AGMO: variants seen among roughly 807,000 people sequenced by gnomAD.
AGMO encodes alkylglycerol monooxygenase.
In AGMO, 75 loss-of-function variants were observed where a neutral mutation model predicts 60.2. The observed-to-expected ratio is 1.25, with a 90% CI of 1.03 to 1.51. AGMO has a LOEUF of 1.51. Ranked by LOEUF, AGMO falls within the 40% of genes most tolerant of loss-of-function variation. The probability of loss-of-function intolerance (pLI) is 0.00; values close to 1 mark genes in which losing one functional copy is unlikely to be tolerated. For missense variants in AGMO, 763 were observed against 525.5 expected (o/e 1.45, Z -4.42); for synonymous variants, 261 against 177.1 (o/e 1.47, Z -3.76).
chr7:15,399,343 G>C (rs978963164), intron 5 of AGMO, among the ~76,000 whole-genome samples: 1 of 152,094 alleles, frequency 6.6e-6, no homozygotes. Context: ...AGTTCATAAA[G>C]CTTTAAGAGC....
the AGMO span, among the ~76,000 whole-genome samples, chr7:15,170,258 G>C: frequency 6.6e-6 from 1 of 152,162 alleles, no homozygotes; most frequent in African/African-American, 2.4e-5. Flanking sequence ...CTTACCTCTG[G>C]ATCTCTTGAT....
chr7:15,143,310 T>C, the AGMO span, among the ~76,000 whole-genome samples: 59 of 152,310 alleles, frequency 3.9e-4, no homozygotes, highest in African/African-American at 1.4e-3. Flanking sequence ...ACGTCATGCA[T>C]TGTAAATCTG....
intron 12 of AGMO, among the ~76,000 whole-genome samples, chr7:15,247,437 C>CAT (rs1782774390): frequency 7.2e-6 from 1 of 139,004 alleles, no homozygotes; most frequent in Non-Finnish European, 1.5e-5. Context: ...CACACACACA[C>CAT]ACACACACAC....
chr7:15,173,198 A>C, the AGMO span, among the ~76,000 whole-genome samples: 1 of 152,288 alleles, frequency 6.6e-6, no homozygotes. Context: ...TATTTATTGA[A>C]GTAAATCTAT....
intron 3 of AGMO, among the ~76,000 whole-genome samples, chr7:15,464,436 T>TA (rs917427355): frequency 9.8e-5 from 15 of 152,308 alleles, no homozygotes; most frequent in African/African-American, 3.6e-4. Context: ...TATCTGGAAA[T>TA]AAAAAAATTC....
At chr7:15,407,815 G>A (rs1337438948) in intron 5 of AGMO, among the ~76,000 whole-genome samples, 2 of 151,762 alleles carry the variant, frequency 1.3e-5, no homozygotes, top group Non-Finnish European at 2.9e-5. Context: ...ATGAGAGAGA[G>A]AGTTAAGCAA....
chr7:15,347,898 T>TA (rs1274172103), intron 12 of AGMO, among the ~76,000 whole-genome samples: 3 of 152,000 alleles, frequency 2.0e-5, no homozygotes, highest in Admixed American at 6.6e-5. Flanking sequence ...TGACACAAGA[T>TA]AGAGGATACT....
At chr7:15,333,538 G>A (rs1428326980) in intron 12 of AGMO, among the ~76,000 whole-genome samples, 1 of 149,232 alleles carries the variant, frequency 6.7e-6, no homozygotes, top group Non-Finnish European at 1.5e-5. Flanking sequence ...ACATGGCCCT[G>A]ACAAGTGCTA....
At chr7:15,175,409 T>A in the AGMO span, among the ~76,000 whole-genome samples, 2 of 152,010 alleles carry the variant, frequency 1.3e-5, no homozygotes, top group Non-Finnish European at 2.9e-5. Flanking sequence ...ACACTAGTTA[T>A]GATTTTGGGG....
intron 12 of AGMO, among the ~76,000 whole-genome samples, chr7:15,362,577 C>G (rs7812204): frequency 0.61 from 93,242 of 152,036 alleles, 29,434 homozygotes; most frequent in African/African-American, 0.78. Flanking sequence ...AACATTTTAA[C>G]GAAAAATTCC....
intron 12 of AGMO, among the ~76,000 whole-genome samples, chr7:15,272,508 T>C (rs968330709): frequency 1.3e-5 from 2 of 152,054 alleles, no homozygotes; most frequent in South Asian, 4.2e-4. Context: ...ATGTGCCTCA[T>C]TTTCTTAATC....
the AGMO span, among the ~76,000 whole-genome samples, chr7:15,140,591 G>A: frequency 6.6e-6 from 1 of 151,620 alleles, no homozygotes; most frequent in Non-Finnish European, 1.5e-5. Flanking sequence ...GCTTCCTTGT[G>A]CCATATTGTT....
intron 4 of AGMO, among the ~76,000 whole-genome samples, chr7:15,430,099 G>A (rs1562502756): frequency 6.6e-6 from 1 of 151,964 alleles, no homozygotes; most frequent in Non-Finnish European, 1.5e-5. Flanking sequence ...TATGAAGGCT[G>A]TTGTGAAGAT....
chr7:15,425,796 A>T (rs1781044557), intron 4 of AGMO, among the ~76,000 whole-genome samples: 1 of 152,134 alleles, frequency 6.6e-6, no homozygotes, highest in African/African-American at 2.4e-5. Flanking sequence ...AGGGTTGCTA[A>T]TATGTTATAA....
At chr7:15,524,071 T>C (rs1583643787) in intron 3 of AGMO, among the ~76,000 whole-genome samples, 1 of 152,182 alleles carries the variant, frequency 6.6e-6, no homozygotes, top group East Asian at 1.9e-4. Flanking sequence ...TATGTATTTG[T>C]ATATGACATA....
intron 12 of AGMO, among the ~76,000 whole-genome samples, chr7:15,255,325 C>T (rs774478672): frequency 5.3e-5 from 8 of 152,016 alleles, no homozygotes; most frequent in Non-Finnish European, 8.8e-5. Flanking sequence ...CAAAACTGCA[C>T]GTTCTGCACA....
chr7:15,368,222 G>A (rs550514723), intron 10 of AGMO, among the ~76,000 whole-genome samples: 4 of 150,608 alleles, frequency 2.7e-5, no homozygotes, highest in Non-Finnish European at 5.9e-5. Context: ...GAGCAAGAGA[G>A]TGCTATTAAT....
At chr7:15,249,431 T>G (rs1053716383) in intron 12 of AGMO, among the ~76,000 whole-genome samples, 2 of 152,200 alleles carry the variant, frequency 1.3e-5, no homozygotes, top group South Asian at 4.1e-4. Context: ...TATAGATAGA[T>G]GAAAAATATT....
intron 12 of AGMO, among the ~76,000 whole-genome samples, chr7:15,205,705 T>C (rs1467944203): frequency 6.6e-6 from 1 of 152,160 alleles, no homozygotes; most frequent in African/African-American, 2.4e-5. Flanking sequence ...GGGTTATTAC[T>C]ATTTAGTGAA....
Sources: allele counts gnomAD v4.1 joint callset (sites outside exome capture counted in the v4.1 genomes callset), GRCh38; gene constraint gnomAD v4.1.1; transcripts MANE v1.5; gene names NCBI Gene and HGNC (gene_info 2026-07-23, HGNC 2026-07-21).